BTAF1: variants seen among roughly 807,000 people sequenced by gnomAD.
BTAF1 encodes the protein B-TFIID TATA-box binding protein associated factor 1.
BTAF1 carries 38 observed loss-of-function variants against 227.1 expected under a neutral mutation model. The observed-to-expected ratio is 0.17, with a 90% CI of 0.13 to 0.22. The LOEUF (loss-of-function observed/expected upper bound fraction) is 0.22. Among genes scored for constraint, BTAF1 ranks in the 10% least tolerant of loss-of-function variants. The pLI is 1.00. For missense variants in BTAF1, 1,598 were observed against 2,204.0 expected, an observed-to-expected ratio of 0.73 and a Z score of 5.51; for synonymous variants, 742 against 751.9, an observed-to-expected ratio of 0.99 and a Z score of 0.21.
At chr10:91,958,116 T>C (rs996722116) in intron 8 of BTAF1, among the ~76,000 whole-genome samples, 1 of 152,120 alleles carries the variant, frequency 6.6e-6, no homozygotes, top group African/African-American at 2.4e-5. Flanking sequence ...TGGCACGATC[T>C]TGACTCTCTG....
At chr10:92,004,534 C>CA (rs1437798090) in intron 25 of BTAF1, among the ~76,000 whole-genome samples, 3 of 152,192 alleles carry the variant, frequency 2.0e-5, no homozygotes, top group African/African-American at 7.2e-5. Flanking sequence ...GTTGTATGAT[C>CA]ATGGCTCACT....
At chr10:91,966,366 A>G (rs1452400983) in intron 13 of BTAF1, among the ~76,000 whole-genome samples, 1 of 152,224 alleles carries the variant, frequency 6.6e-6, no homozygotes, top group African/African-American at 2.4e-5. Flanking sequence ...AAGGTGACTC[A>G]TAGCATTAGT....
rs1310098369 is a variant in BTAF1 at position 92,029,405 on chromosome 10, A to T, written c.*472A>T. On this transcript the variant is annotated 3_prime_UTR_variant, in exon 38 of 38. Transcript: ENST00000265990. Reference sequence around the variant, plus strand: ...AGAATATAAGAATAATGACTATGATATTGGTCAGTCTTAGAACATGAAAAT... The same window carrying T: ...AGAATATAAGAATAATGACTATGATTTTGGTCAGTCTTAGAACATGAAAAT... The T allele has an allele frequency of 6.6e-6, 1 of 152,576 alleles. No individual in the cohort carries two copies. The allele number at this position is 152,576 out of a possible 1,614,324, so 9.5% of individuals were successfully genotyped here. A position where few individuals can be genotyped will look rare whatever the true frequency, so the allele number is the denominator to read the frequency against.
At chr10:91,939,833 T>A (rs1436301630) in intron 2 of BTAF1, 119 bp from the exon 3 acceptor site, 1 of 564,988 alleles carries the variant, frequency 1.8e-6, no homozygotes, top group African/African-American at 1.9e-5. Flanking sequence ...GTGTTTTATA[T>A]GTATTTGGAT....
In BTAF1 at chr10:92,031,195, T is replaced by G. The variant is rs575956225; in HGVS notation, c.*2262T>G. 6.6e-6 allele frequency among the ~76,000 whole-genome samples: 1 copy of G among 152,214 alleles called. No individual in the cohort carries two copies. The highest frequency in any genetic ancestry group is 2.4e-5 in the African/African-American group (1 of 41,460). On this transcript the variant is annotated 3_prime_UTR_variant, in exon 38 of 38. Coordinates refer to ENST00000265990, the MANE Select transcript of BTAF1 (RefSeq NM_003972.3). ...ATTCAGAGATTATTAGTCTTATCATTTGGGTTTCTTGTAGGAAAATCTTAA... is the reference window on the plus strand; with the variant it reads ...ATTCAGAGATTATTAGTCTTATCATGTGGGTTTCTTGTAGGAAAATCTTAA...
At chr10:92,017,904 C>G (rs1462935934) in intron 33 of BTAF1, among the ~76,000 whole-genome samples, 1 of 151,972 alleles carries the variant, frequency 6.6e-6, no homozygotes, top group East Asian at 1.9e-4. Context: ...GGCTGAGACC[C>G]AAATCTTAAG....
At chr10:91,987,820 A>G (rs1207019567) in intron 19 of BTAF1, among the ~76,000 whole-genome samples, 1 of 152,106 alleles carries the variant, frequency 6.6e-6, no homozygotes, top group Admixed American at 6.5e-5. Context: ...TTCTTGCGCA[A>G]GTACGCTACA....
In BTAF1 at chr10:91,959,093, G is replaced by C; in HGVS notation, c.929G>C (p.Arg310Thr). 6.2e-7 allele frequency: 1 copy of C among 1,614,080 alleles called. No homozygotes were observed. The highest frequency in any genetic ancestry group is 2.2e-5 in the East Asian group (1 of 44,860). The change falls in exon 9 of 38, where the codon AGG becomes ACG. Residue 310 changes from arginine (R) to threonine (T), a missense_variant. Around this residue, in one of 10 missense-constraint regions of BTAF1, gnomAD observed 298 missense variants for 395.2 expected, o/e 0.75. Transcript: ENST00000265990. ...EVRHGAGTGL[R>T]EILKAHGKSG... The stretch of plus-strand genomic sequence containing the variant: ...CGACATGGTGCAGGCACTGGACTTA[G>C]GGAAATTCTTAAAGCTCATGGGAAA...
chr10:91,947,399 A>G (rs1845446324), intron 4 of BTAF1, among the ~76,000 whole-genome samples: 1 of 152,082 alleles, frequency 6.6e-6, no homozygotes, highest in Admixed American at 6.6e-5. Context: ...TTTGAGGTTA[A>G]GGGTCCAACT....
At chr10:91,996,981 A>T in intron 24 of BTAF1, 1 of 588,516 alleles carries the variant, frequency 1.7e-6, no homozygotes, top group South Asian at 1.7e-5. Context: ...TTGGGTTTAC[A>T]AATGACCATA....
rs1851772846 is a variant in BTAF1, at chr10:92,029,755, C to G, written c.*822C>G. On this transcript the variant is annotated 3_prime_UTR_variant, in exon 38 of 38. Transcript: ENST00000265990. ...ATAGATTTTACACTGTTTAGAATTC[C>G]AACACCTACAGTGGAAAGACTGTTT... 6.6e-6 allele frequency: 1 copy of G among 151,980 alleles called. No individual in the cohort carries two copies. Among genetic ancestry groups the G allele is most frequent in the Non-Finnish European group, 1.5e-5 (1 of 67,910 alleles). The allele number at this position is 151,980 out of a possible 1,614,324, so 9.4% of individuals were successfully genotyped here.
At chr10:91,928,910 A>G (rs1014999903) in intron 1 of BTAF1, among the ~76,000 whole-genome samples, 6 of 152,062 alleles carry the variant, frequency 3.9e-5, no homozygotes, top group African/African-American at 1.4e-4. Flanking sequence ...TCACGGCCTC[A>G]AGTGATCCTC....
intron 9 of BTAF1, 63 bp downstream of exon 9, chr10:91,959,217 G>A: frequency 6.2e-7 from 1 of 1,609,466 alleles, no homozygotes; most frequent in Admixed American, 1.7e-5. Flanking sequence ...TTCCAATGTA[G>A]GGAAGTAACG....
chr10:91,987,088 C>T (rs2134003971), intron 19 of BTAF1, among the ~76,000 whole-genome samples: 1 of 147,436 alleles, frequency 6.8e-6, no homozygotes, highest in East Asian at 2.0e-4. Context: ...ACTGTCACTT[C>T]ACACTGAACA....
In BTAF1 at chr10:91,923,969, C is replaced by T; in HGVS notation, c.-108C>T. ...AACGCCCCACGCCGCACCGGCCGCT[C>T]CCCTGTGCTCCGCGGCCTGGGCCTG... On this transcript the variant is annotated 5_prime_UTR_variant, in exon 1 of 38. Transcript: ENST00000265990. 7.2e-7 allele frequency: 1 copy of T among 1,384,710 alleles called. No homozygotes were observed. Among genetic ancestry groups the T allele is most frequent in the East Asian group, 2.8e-5 (1 of 35,170 alleles). 85.8% of individuals were successfully genotyped at this position (1,384,710 alleles called of 1,614,324 possible). A position where few individuals can be genotyped will look rare whatever the true frequency, so the allele number is the denominator to read the frequency against.
intron 13 of BTAF1, 35 bp from the exon 14 acceptor site, chr10:91,966,602 G>C: frequency 8.1e-6 from 13 of 1,604,582 alleles, no homozygotes; most frequent in Non-Finnish European, 1.1e-5. Context: ...TTACAACTTA[G>C]AATAAGTAAG....
Position 91,984,088 on chromosome 10 carries a change from A to G in BTAF1, c.2224-113A>G, listed in dbSNP as rs1008600912. ...CTGTTGTTTGGAGAAGTAACAGAAT[A>G]TAGATTCAGTACAAGTAAGAATTTA... is the stretch of plus-strand genomic sequence containing the variant. On this transcript the variant is annotated intron_variant, in intron 18 of 37. Coordinates refer to ENST00000265990, the MANE Select transcript of BTAF1 (RefSeq NM_003972.3). 24 of 866,846 alleles carry G rather than the reference A, an allele frequency of 2.8e-5. No homozygotes were observed. In the African/African-American group the frequency reaches 3.3e-4, roughly 12 times the overall value. The allele number at this position is 866,846 out of a possible 1,614,324, so 53.7% of individuals were successfully genotyped here. A position where few individuals can be genotyped will look rare whatever the true frequency, so the allele number is the denominator to read the frequency against.
intron 2 of BTAF1, among the ~76,000 whole-genome samples, chr10:91,938,829 C>T (rs2133806501): frequency 6.6e-6 from 1 of 152,144 alleles, no homozygotes; most frequent in East Asian, 1.9e-4. Context: ...CACTGCATTT[C>T]AGTCTGGGTA....
At chr10:91,924,874 G>A (rs1843723796) in intron 1 of BTAF1, among the ~76,000 whole-genome samples, 1 of 152,220 alleles carries the variant, frequency 6.6e-6, no homozygotes, top group African/African-American at 2.4e-5. Context: ...GTAATTAAGG[G>A]ATAGTTCCTC....
Sources: gnomAD v4.1 joint callset for allele counts (sites outside exome capture counted in the v4.1 genomes callset) on GRCh38, gnomAD v4.1.1 for gene constraint, gnomAD v4.1.1 regional missense constraint, MANE v1.5 for transcripts, NCBI Gene and HGNC (gene_info 2026-07-23, HGNC 2026-07-21) for gene names.